CRYBG1: variants seen among roughly 807,000 people sequenced by gnomAD.
CRYBG1 encodes crystallin beta-gamma domain containing 1, also known as beta/gamma crystallin domain-containing protein 1.
In CRYBG1, 139 loss-of-function variants were observed where a neutral mutation model predicts 189.2. That is an observed-to-expected ratio of 0.73 (90% CI 0.64 to 0.85). The LOEUF is 0.85. CRYBG1 is among the 40% of genes least tolerant of loss of function. The pLI is 0.00. For synonymous variants in CRYBG1, 1,023 were observed against 1,017.1 expected, an observed-to-expected ratio of 1.01 and a Z score of -0.11; for missense variants, 2,611 against 2,675.8, an observed-to-expected ratio of 0.98 and a Z score of 0.53.
At position 106,503,063 on chromosome 6, in the gene CRYBG1, C is replaced by T. The variant is rs79178142; in HGVS notation, c.313-8367C>T. ...GAAGGAGCAAGAGGGGAAAGCGGCT[C>T]GGGAATATGGGGAGAGAGAACAGCG... On this transcript the variant is annotated intron_variant, in intron 2 of 21. Transcript: ENST00000633556. Among the ~76,000 whole-genome samples the T allele has an allele frequency of 6.6e-3, 1,010 of 152,238 alleles. 11 individuals are homozygous for T. Among genetic ancestry groups the T allele is most frequent in the African/African-American group, 0.023 (969 of 41,530 alleles).
chr6:106,539,564 C>G, intron 9 of CRYBG1, 35 bp downstream of exon 9: 1 of 1,582,270 alleles, frequency 6.3e-7, no homozygotes, highest in Non-Finnish European at 8.6e-7. Context: ...TGTGGTGATT[C>G]TTTGTCAGCT....
Position 106,512,175 on chromosome 6 carries a change from A to G in CRYBG1, c.1058A>G (p.His353Arg). 6.5e-7 allele frequency: 1 copy of G among 1,534,866 alleles called. No individual in the cohort carries two copies. Among genetic ancestry groups the G allele is most frequent in the Non-Finnish European group, 8.7e-7 (1 of 1,146,134 alleles). Residue 353 changes from histidine (H) to arginine (R), a missense_variant, in exon 3 of 22, where the codon CAC becomes CGC. Coordinates refer to ENST00000633556, the MANE Select transcript of CRYBG1 (RefSeq NM_001371242.2). ...PGEPPAEGAA[H>R]TASSAQADCT... The stretch of plus-strand genomic sequence containing the variant: ...GAGCCTCCGGCCGAGGGCGCAGCGC[A>G]CACGGCCAGCTCCGCGCAGGCAGAC...
intron 2 of CRYBG1, among the ~76,000 whole-genome samples, chr6:106,494,547 C>A (rs1772800727): frequency 1.3e-5 from 2 of 152,236 alleles, no homozygotes; most frequent in Non-Finnish European, 2.9e-5. Context: ...TGATGTACAT[C>A]AAAGACTTAA....
At chr6:106,480,102 G>A (rs1772411863) in intron 2 of CRYBG1, among the ~76,000 whole-genome samples, 1 of 151,954 alleles carries the variant, frequency 6.6e-6, no homozygotes, top group South Asian at 2.1e-4. Context: ...GGTGAGATAG[G>A]GGCCACCACC....
intron 19 of CRYBG1, 39 bp downstream of exon 19, chr6:106,560,965 C>T: frequency 6.6e-7 from 1 of 1,521,384 alleles, no homozygotes; most frequent in Non-Finnish European, 8.8e-7. Context: ...AGACTCTTCT[C>T]TGAAATTTTT....
intron 1 of CRYBG1, among the ~76,000 whole-genome samples, chr6:106,402,593 A>T (rs7751992): frequency 0.52 from 74,642 of 143,418 alleles, 19,747 homozygotes; most frequent in South Asian, 0.73. Context: ...CTGGCTAGCC[A>T]TATGTAGAAA....
chr6:106,498,374 T>G (rs961956117), intron 2 of CRYBG1, among the ~76,000 whole-genome samples: 2 of 152,198 alleles, frequency 1.3e-5, no homozygotes, highest in Non-Finnish European at 2.9e-5. Flanking sequence ...GATCAGGTTT[T>G]GATCACAGTC....
intron 1 of CRYBG1, among the ~76,000 whole-genome samples, chr6:106,378,888 G>GC (rs1205361068): frequency 9.2e-5 from 14 of 152,140 alleles, no homozygotes; most frequent in Admixed American, 1.3e-4. Context: ...GGTGGCTCAT[G>GC]CCTATAATCC....
chr6:106,507,061 T>C (rs975679787), intron 2 of CRYBG1, among the ~76,000 whole-genome samples: 1 of 152,174 alleles, frequency 6.6e-6, no homozygotes, highest in Non-Finnish European at 1.5e-5. Context: ...TAGTAGTATA[T>C]ATAGTAGGCG....
intron 1 of CRYBG1, among the ~76,000 whole-genome samples, chr6:106,408,582 G>A (rs1278076987): frequency 6.6e-6 from 1 of 152,056 alleles, no homozygotes; most frequent in Non-Finnish European, 1.5e-5. Context: ...AAAATTTCAG[G>A]CCAATATCCC....
chr6:106,519,009 C>CACACACACA, intron 3 of CRYBG1, 122 bp from the exon 4 acceptor site: 5 of 787,278 alleles, frequency 6.4e-6, no homozygotes, highest in Non-Finnish European at 9.3e-6. Context: ...ACACACACAC[C>CACACACACA]ACACTCCAAA....
At chr6:106,408,384 G>A (rs940316147) in intron 1 of CRYBG1, among the ~76,000 whole-genome samples, 1 of 152,204 alleles carries the variant, frequency 6.6e-6, no homozygotes, top group East Asian at 1.9e-4. Flanking sequence ...GCAATTAATA[G>A]CCTACCAACC....
At chr6:106,500,483 A>T (rs908617601) in intron 2 of CRYBG1, among the ~76,000 whole-genome samples, 2 of 149,982 alleles carry the variant, frequency 1.3e-5, no homozygotes, top group Admixed American at 1.3e-4. Flanking sequence ...ATGAAATGCC[A>T]GTTCAGATCC....
At chr6:106,469,022 T>C (rs140178728) in intron 2 of CRYBG1, among the ~76,000 whole-genome samples, 10 of 152,312 alleles carry the variant, frequency 6.6e-5, no homozygotes, top group African/African-American at 2.4e-4. Flanking sequence ...GAGCGTTCCA[T>C]TTCTCTGTGG....
intron 1 of CRYBG1, among the ~76,000 whole-genome samples, chr6:106,398,648 T>A (rs565804369): frequency 3.3e-5 from 5 of 152,332 alleles, no homozygotes; most frequent in African/African-American, 1.2e-4. Flanking sequence ...CTTGAACTCT[T>A]ATTCATTCAT....
intron 18 of CRYBG1, among the ~76,000 whole-genome samples, chr6:106,558,967 T>TA (rs112971965): frequency 0.013 from 1,985 of 147,422 alleles, 49 homozygotes; most frequent in African/African-American, 0.045. Flanking sequence ...TATCTTAATT[T>TA]AAAAAAAAAA....
At chr6:106,522,862 C>A (rs1392133240) in intron 4 of CRYBG1, among the ~76,000 whole-genome samples, 1 of 152,088 alleles carries the variant, frequency 6.6e-6, no homozygotes, top group Non-Finnish European at 1.5e-5. Context: ...GTGCAGATCC[C>A]TTTTTCATGT....
chr6:106,513,038 C>T lies in CRYBG1; in HGVS notation c.1921C>T (p.Leu641Phe), dbSNP rs751197312. The T allele has an allele frequency of 1.9e-6, 3 of 1,599,086 alleles. No individual in the cohort carries two copies. The highest frequency in any genetic ancestry group is 2.5e-6 in the Non-Finnish European group (3 of 1,178,690). ...GTCGACAGTGACCACTAAAGTGACC[C>T]TGTAAGTAGCCGCGCAAGTCCCGGC... is the stretch of plus-strand genomic sequence containing the variant. Reference protein sequence around the residue: ...GRSTVTTKVTLPAKPKHVELN... With the variant: ...GRSTVTTKVTFPAKPKHVELN... Residue 641 changes from leucine (L) to phenylalanine (F), a missense_variant and splice_region_variant, in exon 3 of 22, where the codon CTC becomes TTC. Leu to Phe is a conservative substitution (Grantham distance 22). This residue lies in a region of CRYBG1 where 985 missense variants were observed against 924.4 expected (regional missense o/e 1.07). Coordinates refer to ENST00000633556, the MANE Select transcript of CRYBG1 (RefSeq NM_001371242.2).
chr6:106,493,466 T>C (rs1213645709), intron 2 of CRYBG1, among the ~76,000 whole-genome samples: 2 of 152,144 alleles, frequency 1.3e-5, no homozygotes, highest in Admixed American at 6.5e-5. Context: ...AGACTTACCA[T>C]ATAATCTACC....
Sources: allele counts gnomAD v4.1 joint callset (sites outside exome capture counted in the v4.1 genomes callset), GRCh38; gene constraint gnomAD v4.1.1; regional missense constraint gnomAD v4.1.1; transcripts MANE v1.5; gene names NCBI Gene and HGNC (gene_info 2026-07-23, HGNC 2026-07-21).